Variants in TPD52 observed in about 807,000 individuals in gnomAD.
The protein encoded by TPD52 is tumor protein D52.
A neutral mutation model predicts 31.3 loss-of-function variants in TPD52; 17 were observed. The observed-to-expected ratio is 0.54, with a 90% CI of 0.37 to 0.82. The LOEUF (loss-of-function observed/expected upper bound fraction) is 0.82, where lower values mean the gene tolerates loss of function less well. TPD52 is among the 40% of genes least tolerant of loss of function. TPD52 has a pLI of 0.00. For synonymous variants in TPD52, 83 were observed against 89.6 expected, an observed-to-expected ratio of 0.93 and a Z score of 0.42; for missense variants, 212 against 240.1, an observed-to-expected ratio of 0.88 and a Z score of 0.77.
chr8:80,071,955 C>T (rs563819007), intron 1 of TPD52, among the ~76,000 whole-genome samples: 2 of 152,278 alleles, frequency 1.3e-5, no homozygotes, highest in Non-Finnish European at 2.9e-5. Context: ...CTCACCAGCA[C>T]AACACTCCCA....
At chr8:80,148,451 C>T (rs1445664561) in intron 1 of TPD52, among the ~76,000 whole-genome samples, 1 of 152,038 alleles carries the variant, frequency 6.6e-6, no homozygotes, top group Non-Finnish European at 1.5e-5. Flanking sequence ...GCAAGAGCCA[C>T]CACACCTGGC....
At chr8:80,150,617 A>G (rs1810507449) in intron 1 of TPD52, among the ~76,000 whole-genome samples, 1 of 152,220 alleles carries the variant, frequency 6.6e-6, no homozygotes, top group African/African-American at 2.4e-5. Context: ...CTCTTGCATC[A>G]GCGTGACCTG....
chr8:80,125,079 C>T (rs1808511270), intron 1 of TPD52, among the ~76,000 whole-genome samples: 1 of 152,128 alleles, frequency 6.6e-6, no homozygotes, highest in Non-Finnish European at 1.5e-5. Context: ...CCACTAGACT[C>T]AGAGGTAATG....
intron 1 of TPD52, among the ~76,000 whole-genome samples, chr8:80,151,328 G>C (rs761811331): frequency 9.2e-5 from 14 of 152,188 alleles, no homozygotes; most frequent in Non-Finnish European, 1.6e-4. Context: ...TGTGAGAACA[G>C]ACTATTACAA....
intron 5 of TPD52, among the ~76,000 whole-genome samples, chr8:80,047,009 C>T (rs981160293): frequency 8.5e-5 from 13 of 152,142 alleles, no homozygotes; most frequent in African/African-American, 2.4e-4. Context: ...CTATATACCA[C>T]GTATGCTTTT....
intron 5 of TPD52, among the ~76,000 whole-genome samples, chr8:80,049,769 C>T (rs1811184103): frequency 6.6e-6 from 1 of 152,166 alleles, no homozygotes. Context: ...ATGGTTTGAG[C>T]TAACATCTTT....
At chr8:80,061,741 G>T (rs1812580801) in intron 2 of TPD52, among the ~76,000 whole-genome samples, 1 of 152,000 alleles carries the variant, frequency 6.6e-6, no homozygotes, top group Admixed American at 6.6e-5. Flanking sequence ...CAAAATATAA[G>T]ATCAAGATAT....
chr8:80,034,584 T>C (rs1233292417), downstream of TPD52, among the ~76,000 whole-genome samples: 1 of 152,180 alleles, frequency 6.6e-6, no homozygotes, highest in Non-Finnish European at 1.5e-5. Flanking sequence ...AAGGGGATCA[T>C]GTAGAAGATA....
chr8:80,135,385 G>A (rs889208147), intron 1 of TPD52, among the ~76,000 whole-genome samples: 4 of 152,048 alleles, frequency 2.6e-5, no homozygotes, highest in African/African-American at 4.8e-5. Flanking sequence ...GTTTTATCTC[G>A]GTGAACTACC....
intron 1 of TPD52, among the ~76,000 whole-genome samples, chr8:80,104,495 T>C (rs979890435): frequency 3.3e-5 from 5 of 151,816 alleles, no homozygotes; most frequent in African/African-American, 4.8e-5. Flanking sequence ...ACACCTGTAA[T>C]TTCAGCACTC....
At chr8:80,162,290 G>A (rs1281844223) in intron 1 of TPD52, among the ~76,000 whole-genome samples, 1 of 152,010 alleles carries the variant, frequency 6.6e-6, no homozygotes, top group East Asian at 1.9e-4. Flanking sequence ...AACATTGAAA[G>A]ATCCAACATA....
intron 1 of TPD52, among the ~76,000 whole-genome samples, chr8:80,084,148 C>G (rs553420664): frequency 6.6e-6 from 1 of 152,316 alleles, no homozygotes; most frequent in African/African-American, 2.4e-5. Flanking sequence ...CCAGGCCCCA[C>G]AGCAGTATGG....
intron 1 of TPD52, among the ~76,000 whole-genome samples, chr8:80,073,772 T>C (rs1814204725): frequency 6.6e-6 from 1 of 152,122 alleles, no homozygotes; most frequent in Non-Finnish European, 1.5e-5. Flanking sequence ...CCTAGAAAGG[T>C]TTTTCTATTT....
chr8:80,163,705 T>C (rs1423782845), intron 1 of TPD52, among the ~76,000 whole-genome samples: 1 of 152,188 alleles, frequency 6.6e-6, no homozygotes, highest in Non-Finnish European at 1.5e-5. Context: ...AGCTTACATA[T>C]ATTCACCTCC....
chr8:80,057,734 T>A (rs1163408992), intron 2 of TPD52, among the ~76,000 whole-genome samples: 1 of 152,108 alleles, frequency 6.6e-6, no homozygotes, highest in African/African-American at 2.4e-5. Context: ...ACAGGATCAT[T>A]AGAAGCCCAA....
At chr8:80,107,772 C>T (rs1389727390) in intron 1 of TPD52, among the ~76,000 whole-genome samples, 1 of 151,924 alleles carries the variant, frequency 6.6e-6, no homozygotes, top group Non-Finnish European at 1.5e-5. Context: ...AATAAGTTCA[C>T]ATGATTTACA....
chr8:80,141,324 C>T (rs1347794304), intron 1 of TPD52, among the ~76,000 whole-genome samples: 1 of 152,172 alleles, frequency 6.6e-6, no homozygotes, highest in African/African-American at 2.4e-5. Context: ...GCCCCTTCCA[C>T]GTGGCACCAG....
At chr8:80,089,490 C>T (rs948639329) in intron 1 of TPD52, among the ~76,000 whole-genome samples, 1 of 152,138 alleles carries the variant, frequency 6.6e-6, no homozygotes, top group African/African-American at 2.4e-5. Context: ...AATTAAACTT[C>T]TATCCTCAGG....
chr8:80,088,983 C>G (rs530126399), intron 1 of TPD52, among the ~76,000 whole-genome samples: 1 of 152,240 alleles, frequency 6.6e-6, no homozygotes, highest in Non-Finnish European at 1.5e-5. Flanking sequence ...GCGTGAACCA[C>G]TGCGCCTGGC....
Sources: allele counts gnomAD v4.1 joint callset (sites outside exome capture counted in the v4.1 genomes callset), GRCh38; gene constraint gnomAD v4.1.1; transcripts MANE v1.5; gene names NCBI Gene and HGNC (gene_info 2026-07-23, HGNC 2026-07-21).